GNL3L: variants seen among roughly 807,000 people sequenced by gnomAD.
GNL3L encodes the protein G protein nucleolar 3 like, also known as guanine nucleotide-binding protein-like 3-like protein.
In GNL3L, 4 loss-of-function variants were observed where a neutral mutation model predicts 42.9. The ratio of observed to expected loss-of-function variants is 0.09; its 90% CI spans 0.05 to 0.21. GNL3L has a LOEUF of 0.21. Among genes scored for constraint, GNL3L ranks in the 10% least tolerant of loss-of-function variants. The pLI, the probability that GNL3L is intolerant of heterozygous loss-of-function variation, is 1.00. For missense variants in GNL3L, 412 were observed against 481.7 expected (o/e 0.86, Z 1.36); for synonymous variants, 159 against 176.3 (o/e 0.90, Z 0.78).
At position 54,565,149 on chromosome X, in the gene GNL3L, A is replaced by G. The variant is rs893572114; in HGVS notation, c.*4547A>G. Among the ~76,000 whole-genome samples, 1 of 111,994 alleles carries G rather than the reference A, an allele frequency of 8.9e-6. No individual in the cohort carries two copies. The highest frequency in any genetic ancestry group is 3.2e-5 in the African/African-American group (1 of 30,839). Reference sequence around the variant, plus strand: ...CATTTGAGATTCATCCATATTTCTCAGTATATTAATAGTTCTTATTTCTGA... The same window carrying G: ...CATTTGAGATTCATCCATATTTCTCGGTATATTAATAGTTCTTATTTCTGA... On this transcript the variant is annotated 3_prime_UTR_variant, in exon 16 of 16. Transcript: ENST00000360845.
chrX:54,575,163 T>A (rs1230909386), intron 16 of GNL3L, among the ~76,000 whole-genome samples: 2 of 112,296 alleles, frequency 1.8e-5, no homozygotes, highest in Non-Finnish European at 3.8e-5. Flanking sequence ...TTGCTTTGGG[T>A]TCAGTGTGTT....
chrX:54,619,450 A>G (rs765774066), intron 16 of GNL3L, among the ~76,000 whole-genome samples: 2 of 110,933 alleles, frequency 1.8e-5, no homozygotes, highest in Admixed American at 9.7e-5. Context: ...ATATAGGTAC[A>G]AACATTAACT....
chrX:54,639,322 A>T, the GNL3L span, among the ~76,000 whole-genome samples: 3 of 111,729 alleles, frequency 2.7e-5, no homozygotes, highest in Non-Finnish European at 5.6e-5. Flanking sequence ...AGGGTTACTA[A>T]GCCTGCTGAA....
intron 16 of GNL3L, among the ~76,000 whole-genome samples, chrX:54,588,698 G>C (rs761649651): frequency 9.0e-6 from 1 of 110,577 alleles, no homozygotes; most frequent in African/African-American, 3.3e-5. Context: ...GGTGGCACAC[G>C]CCTATAATCC....
At chrX:54,618,251 CAT>C (rs1310641577) in intron 16 of GNL3L, among the ~76,000 whole-genome samples, 1 of 111,167 alleles carries the variant, frequency 9.0e-6, no homozygotes, top group Non-Finnish European at 1.9e-5. Flanking sequence ...TGAAACTCAA[CAT>C]ATATTAAACT....
chrX:54,612,294 A>G (rs1926171084), intron 16 of GNL3L, among the ~76,000 whole-genome samples: 1 of 110,634 alleles, frequency 9.0e-6, no homozygotes, highest in South Asian at 3.8e-4. Context: ...CCACCCCTTT[A>G]CTTTATGTTA....
At chrX:54,535,204 C>T (rs1258935636) in intron 2 of GNL3L, among the ~76,000 whole-genome samples, 4 of 111,527 alleles carry the variant, frequency 3.6e-5, no homozygotes, top group Non-Finnish European at 7.5e-5. Flanking sequence ...CTGCAACCTC[C>T]GCCTCCTGGG....
At position 54,548,360 on chromosome X, in the gene GNL3L, T is replaced by C. The variant is rs780264570; in HGVS notation, c.762T>C (p.Arg254=). 6 of 1,200,333 alleles carry C rather than the reference T, an allele frequency of 5.0e-6. No homozygotes were observed. Among genetic ancestry groups the C allele is most frequent in the Middle Eastern group, 2.3e-4 (1 of 4,332 alleles). Reference sequence around the variant, plus strand: ...TTGGTGAAGTGCGCACCCACATTCGTGTGGGTGTTGTGGGTAAGACCTGCT... The same window carrying C: ...TTGGTGAAGTGCGCACCCACATTCGCGTGGGTGTTGTGGGTAAGACCTGCT... ...CRLGEVRTHI[R]VGVVGLPNVG... is the part of the protein sequence containing the mutation. The change falls in exon 9 of 16, where the codon CGT becomes CGC. Residue 254 remains arginine (R), a synonymous_variant. Transcript: ENST00000360845.
intron 16 of GNL3L, among the ~76,000 whole-genome samples, chrX:54,593,305 G>A (rs1925892162): frequency 9.0e-6 from 1 of 111,210 alleles, no homozygotes; most frequent in Admixed American, 9.5e-5. Flanking sequence ...CTTGTTACTT[G>A]TTATTGGTCT....
intron 16 of GNL3L, among the ~76,000 whole-genome samples, chrX:54,574,693 TTG>T (rs891136494): frequency 1.8e-5 from 2 of 112,171 alleles, no homozygotes; most frequent in Non-Finnish European, 3.8e-5. Context: ...TTGTGAAAGA[TTG>T]TTATTGTTTA....
intron 16 of GNL3L, among the ~76,000 whole-genome samples, chrX:54,604,462 A>T (rs924475259): frequency 1.8e-5 from 2 of 111,109 alleles, no homozygotes; most frequent in African/African-American, 6.6e-5. Flanking sequence ...TCTCTTTGAG[A>T]GGTAATGTTT....
chrX:54,588,747 C>A (rs1476882418), intron 16 of GNL3L, among the ~76,000 whole-genome samples: 2 of 111,692 alleles, frequency 1.8e-5, no homozygotes, highest in Non-Finnish European at 3.8e-5. Context: ...ATCATTTGAA[C>A]CCGGAAGGTG....
At chrX:54,638,725 C>T in the GNL3L span, among the ~76,000 whole-genome samples, 1 of 112,064 alleles carries the variant, frequency 8.9e-6, no homozygotes, top group Non-Finnish European at 1.9e-5. Context: ...ATTGGCATTA[C>T]AGCCGTCAGC....
chrX:54,599,325 G>A (rs1382540709), intron 16 of GNL3L, among the ~76,000 whole-genome samples: 1 of 111,780 alleles, frequency 8.9e-6, no homozygotes, highest in Non-Finnish European at 1.9e-5. Flanking sequence ...AAATTTATCA[G>A]CAGCAGACAT....
chrX:54,552,475 C>T (rs753570399), intron 13 of GNL3L, 47 bp downstream of exon 13: 1 of 1,141,861 alleles, frequency 8.8e-7, no homozygotes, highest in Non-Finnish European at 1.2e-6. Context: ...CTAGTGGGGC[C>T]ACACAGACCT....
downstream of GNL3L, among the ~76,000 whole-genome samples, chrX:54,623,015 A>T (rs1926307088): frequency 8.9e-6 from 1 of 111,859 alleles, no homozygotes; most frequent in South Asian, 3.7e-4. Context: ...CTTTGTCAAC[A>T]ATCAATTGGT....
downstream of GNL3L, among the ~76,000 whole-genome samples, chrX:54,624,278 A>G (rs1381298910): frequency 2.4e-4 from 22 of 93,082 alleles, no homozygotes; most frequent in African/African-American, 1.4e-3. Flanking sequence ...GTGAATAGAG[A>G]TAGTTTTACA....
chrX:54,610,601 G>C (rs1381767155), intron 16 of GNL3L, among the ~76,000 whole-genome samples: 1 of 111,471 alleles, frequency 9.0e-6, no homozygotes, highest in Non-Finnish European at 1.9e-5. Flanking sequence ...CATCTATTGA[G>C]GTGATCATGT....
rs1192336912 is a variant in GNL3L at position 54,607,087 on chromosome X, T to C, written c.*46-13758T>C. Among the ~76,000 whole-genome samples the C allele has an allele frequency of 5.5e-4, 29 of 53,132 alleles. 1 individual carries two copies. Among genetic ancestry groups the C allele is most frequent in the East Asian group, 3.4e-3 (6 of 1,780 alleles). The allele number at this position is 53,132 out of a possible 115,157, so 46.1% of individuals were successfully genotyped here. ...TTCTTTCTTTCTCTTTCTTTCTTCT[T>C]TCTTTCTTTCTTTCTTTCTTTCTTT... is the stretch of plus-strand genomic sequence containing the variant. On this transcript the variant is annotated intron_variant, in intron 16 of 16. Transcript: ENST00000674498.
Sources: allele counts gnomAD v4.1 joint callset (sites outside exome capture counted in the v4.1 genomes callset), GRCh38; gene constraint gnomAD v4.1.1; transcripts MANE v1.5; gene names NCBI Gene and HGNC (gene_info 2026-07-23, HGNC 2026-07-21).